The following PPFIA2 variants were observed in gnomAD, a reference collection of about 807,000 sequenced individuals.
PPFIA2 encodes the protein liprin-alpha-2.
PPFIA2 carries 46 observed loss-of-function variants against 175.5 expected under a neutral mutation model. The observed-to-expected ratio is 0.26, with a 90% confidence interval of 0.21 to 0.34. The LOEUF (loss-of-function observed/expected upper bound fraction) is 0.34. PPFIA2 is among the 10% of genes least tolerant of loss of function. The pLI, the probability that PPFIA2 is intolerant of heterozygous loss-of-function variation, is 1.00. For missense variants in PPFIA2, 1,179 were observed against 1,506.1 expected, an observed-to-expected ratio of 0.78 and a Z score of 3.60; for synonymous variants, 568 against 511.4, an observed-to-expected ratio of 1.11 and a Z score of -1.49.
chr12:81,569,902 T>C (rs1404119784), intron 4 of PPFIA2, among the ~76,000 whole-genome samples: 4 of 152,122 alleles, frequency 2.6e-5, no homozygotes, highest in African/African-American at 9.7e-5. Context: ...AAGCTGGTAA[T>C]AGGCAGTGAG....
intron 4 of PPFIA2, among the ~76,000 whole-genome samples, chr12:81,477,549 T>C (rs1177133529): frequency 1.3e-5 from 2 of 152,204 alleles, no homozygotes; most frequent in African/African-American, 4.8e-5. Flanking sequence ...TTGTCATAAA[T>C]CGCTTGTATT....
intron 9 of PPFIA2, among the ~76,000 whole-genome samples, chr12:81,379,686 C>A (rs970769402): frequency 1.3e-5 from 2 of 152,218 alleles, no homozygotes; most frequent in East Asian, 3.9e-4. Context: ...ATCCAACTCA[C>A]GTATTCTTCC....
At chr12:81,572,491 C>T (rs567800997) in intron 4 of PPFIA2, among the ~76,000 whole-genome samples, 2 of 152,012 alleles carry the variant, frequency 1.3e-5, no homozygotes, top group East Asian at 3.9e-4. Context: ...TCAATTAGAA[C>T]AGTCACTCTA....
At chr12:81,486,464 C>G (rs1301787507) in intron 4 of PPFIA2, among the ~76,000 whole-genome samples, 2 of 151,830 alleles carry the variant, frequency 1.3e-5, no homozygotes, top group Non-Finnish European at 2.9e-5. Flanking sequence ...CATAGTATTT[C>G]TAGAAATTAT....
At chr12:81,445,212 G>A (rs1229389116) in intron 6 of PPFIA2, among the ~76,000 whole-genome samples, 22 of 134,900 alleles carry the variant, frequency 1.6e-4, no homozygotes. Context: ...AAGGTGGGGG[G>A]GGGGGAGGGG....
At chr12:81,430,697 C>A (rs1195464018) in intron 7 of PPFIA2, 1 of 152,008 alleles carries the variant, frequency 6.6e-6, no homozygotes, top group Non-Finnish European at 1.5e-5. Context: ...ATCTATTCAC[C>A]TTTTCCAGTT....
intron 4 of PPFIA2, among the ~76,000 whole-genome samples, chr12:81,521,836 A>T (rs1257117824): frequency 6.6e-6 from 1 of 151,578 alleles, no homozygotes; most frequent in African/African-American, 2.4e-5. Flanking sequence ...AAAAAAAAAA[A>T]TTATTGCACA....
At chr12:81,403,564 A>T (rs2042410786) in intron 8 of PPFIA2, among the ~76,000 whole-genome samples, 1 of 152,204 alleles carries the variant, frequency 6.6e-6, no homozygotes, top group Admixed American at 6.5e-5. Flanking sequence ...AGACTGTAAT[A>T]AATAGAAAAC....
chr12:81,718,323 T>C (rs1056739166), intron 3 of PPFIA2, among the ~76,000 whole-genome samples: 1 of 151,490 alleles, frequency 6.6e-6, no homozygotes, highest in African/African-American at 2.4e-5. Flanking sequence ...CATTCAGTTA[T>C]CTGAGGGAAG....
chr12:81,758,226 G>T (rs1199613464), intron 2 of PPFIA2, among the ~76,000 whole-genome samples, 174 bp downstream of exon 2: 3 of 152,068 alleles, frequency 2.0e-5, no homozygotes, highest in Non-Finnish European at 4.4e-5. Context: ...AGCCAAGTAG[G>T]CAGGAGGTAG....
intron 8 of PPFIA2, among the ~76,000 whole-genome samples, chr12:81,400,087 T>C (rs2041865827): frequency 6.6e-6 from 1 of 152,160 alleles, no homozygotes; most frequent in African/African-American, 2.4e-5. Flanking sequence ...AAGAATGGCA[T>C]TTGTGATAAA....
At chr12:81,638,845 G>T (rs868627676) in intron 4 of PPFIA2, among the ~76,000 whole-genome samples, 141 of 150,180 alleles carry the variant, frequency 9.4e-4, no homozygotes, top group East Asian at 7.8e-4. Context: ...CCGCCACTAC[G>T]CCCGGCTAAT....
At chr12:81,370,942 A>G (rs2034927948) in intron 11 of PPFIA2, among the ~76,000 whole-genome samples, 1 of 151,954 alleles carries the variant, frequency 6.6e-6, no homozygotes, top group Admixed American at 6.6e-5. Context: ...AGAACTATAT[A>G]TAAATATGTC....
chr12:81,406,075 C>G (rs1261730939), intron 7 of PPFIA2, among the ~76,000 whole-genome samples, 172 bp from the exon 8 acceptor site: 1 of 152,090 alleles, frequency 6.6e-6, no homozygotes, highest in Non-Finnish European at 1.5e-5. Flanking sequence ...ATGTAGGTCA[C>G]CATTTTGAAC....
intron 4 of PPFIA2, among the ~76,000 whole-genome samples, chr12:81,563,616 G>A (rs2070664314): frequency 6.6e-6 from 1 of 152,136 alleles, no homozygotes; most frequent in Non-Finnish European, 1.5e-5. Context: ...TCAGCATGGA[G>A]GTCTGTTGAG....
At chr12:81,386,773 G>C (rs982530651) in intron 8 of PPFIA2, among the ~76,000 whole-genome samples, 1 of 152,064 alleles carries the variant, frequency 6.6e-6, no homozygotes, top group Non-Finnish European at 1.5e-5. Flanking sequence ...AAAGTATGGA[G>C]AGAAAATACA....
At chr12:81,411,506 C>A (rs1043496888) in intron 7 of PPFIA2, among the ~76,000 whole-genome samples, 22 of 152,186 alleles carry the variant, frequency 1.4e-4, no homozygotes, top group South Asian at 6.2e-4. Context: ...TTGGCTCTGA[C>A]AAGCTCTGAC....
chr12:81,290,257 TA>T (rs34420766), intron 24 of PPFIA2, among the ~76,000 whole-genome samples: 17 of 147,744 alleles, frequency 1.2e-4, no homozygotes, highest in African/African-American at 3.4e-4. Flanking sequence ...ATAACTTTGT[TA>T]AAAAAAAAAA....
intron 4 of PPFIA2, among the ~76,000 whole-genome samples, chr12:81,460,733 A>T (rs1008320539): frequency 2.6e-5 from 4 of 152,116 alleles, no homozygotes; most frequent in Middle Eastern, 3.2e-3. Flanking sequence ...CTAACAGCAA[A>T]TAGGGTTAAC....
Sources: allele counts gnomAD v4.1 joint callset (sites outside exome capture counted in the v4.1 genomes callset), GRCh38; gene constraint gnomAD v4.1.1; transcripts MANE v1.5; gene names NCBI Gene and HGNC (gene_info 2026-07-23, HGNC 2026-07-21).